OVCH1: variants seen among roughly 807,000 people sequenced by gnomAD.
OVCH1 encodes ovochymase-1.
Under a neutral mutation model 138.4 loss-of-function variants are expected in OVCH1, and 139 were observed. That is an observed-to-expected ratio of 1.00 (90% CI 0.87 to 1.16). The LOEUF is 1.16. OVCH1 is among the 50% of genes most tolerant of loss of function. The pLI, the probability that OVCH1 is intolerant of heterozygous loss-of-function variation, is 0.00. For synonymous variants in OVCH1, 453 were observed against 467.8 expected (o/e 0.97, Z 0.41); for missense variants, 1,367 against 1,357.9 (o/e 1.01, Z -0.11).
intron 21 of OVCH1, among the ~76,000 whole-genome samples, chr12:29,454,608 T>C (rs778162691): frequency 9.2e-5 from 14 of 152,158 alleles, no homozygotes; most frequent in South Asian, 2.1e-4. Flanking sequence ...ATTCAAGCAC[T>C]GGTTCACAAC....
At position 29,486,367 on chromosome 12, in the gene OVCH1, G is replaced by T. The variant is rs1262863991; in HGVS notation, c.893-19C>A. The T allele has an allele frequency of 2.0e-6, 3 of 1,525,358 alleles. No individual in the cohort carries two copies. The highest frequency in any genetic ancestry group is 2.7e-6 in the Non-Finnish European group (3 of 1,109,710). 94.5% of individuals were successfully genotyped at this position (1,525,358 alleles called of 1,614,324 possible). A position where few individuals can be genotyped will look rare whatever the true frequency, so the allele number is the denominator to read the frequency against. ...TCCAAACCTGTAAAAGGTATAAGGA[G>T]TTAGTGCCTTTCCCAATAATAATCA... is the stretch of plus-strand genomic sequence containing the variant. On this transcript the variant is annotated intron_variant, in intron 7 of 27. Transcript: ENST00000318184.
chr12:29,412,189 A>G (rs551028275), downstream of OVCH1, among the ~76,000 whole-genome samples: 2 of 152,040 alleles, frequency 1.3e-5, no homozygotes, highest in East Asian at 3.9e-4. Flanking sequence ...GAGTGACCCG[A>G]TTTTCCAGGT....
intron 19 of OVCH1, among the ~76,000 whole-genome samples, chr12:29,457,579 ATT>A (rs2135959992): frequency 6.6e-6 from 1 of 151,082 alleles, no homozygotes; most frequent in East Asian, 2.0e-4. Context: ...AATTTTTTGT[ATT>A]TTTAGTAGAG....
At chr12:29,476,749 A>ACG (rs145053170) in intron 12 of OVCH1, among the ~76,000 whole-genome samples, 37 of 17,198 alleles carry the variant, frequency 2.2e-3, no homozygotes, top group South Asian at 5.0e-3. Context: ...ATAAGTACAC[A>ACG]CGCGCGCACA....
intron 8 of OVCH1, among the ~76,000 whole-genome samples, chr12:29,483,537 A>G (rs935666837): frequency 1.3e-5 from 2 of 152,192 alleles, no homozygotes; most frequent in Non-Finnish European, 2.9e-5. Context: ...TTGTAGCATA[A>G]GGTCTAATCT....
At chr12:29,450,647 C>T (rs2135941517) in intron 22 of OVCH1, among the ~76,000 whole-genome samples, 1 of 152,186 alleles carries the variant, frequency 6.6e-6, no homozygotes, top group Admixed American at 6.5e-5. Flanking sequence ...ACCTTTTGAC[C>T]CAGCGATCCC....
chr12:29,485,186 A>G (rs190640881), intron 8 of OVCH1, among the ~76,000 whole-genome samples: 2 of 152,010 alleles, frequency 1.3e-5, no homozygotes, highest in African/African-American at 4.8e-5. Flanking sequence ...AGCCTGGCCA[A>G]CATTAGTCAG....
intron 8 of OVCH1, among the ~76,000 whole-genome samples, chr12:29,481,996 C>T (rs897358453): frequency 3.3e-5 from 5 of 152,206 alleles, no homozygotes; most frequent in African/African-American, 1.2e-4. Context: ...TGGACTATTG[C>T]AGTAGTTGGT....
the OVCH1 span, among the ~76,000 whole-genome samples, chr12:29,404,505 G>A: frequency 1.3e-5 from 2 of 152,192 alleles, no homozygotes; most frequent in Non-Finnish European, 2.9e-5. Context: ...TGATGCAACA[G>A]ATCTCTGAAC....
chr12:29,408,753 A>G (rs1940915009), downstream of OVCH1, among the ~76,000 whole-genome samples: 1 of 148,014 alleles, frequency 6.8e-6, no homozygotes, highest in African/African-American at 2.4e-5. Flanking sequence ...CATCAAGGAT[A>G]TTGGTCTAAA....
intron 8 of OVCH1, among the ~76,000 whole-genome samples, chr12:29,483,069 C>G (rs1051718982): frequency 2.0e-5 from 3 of 152,188 alleles, no homozygotes; most frequent in African/African-American, 7.2e-5. Context: ...TTAGTAGCCT[C>G]TAAGATAAAT....
At chr12:29,455,799 C>A (rs905835863) in intron 19 of OVCH1, among the ~76,000 whole-genome samples, 2 of 152,100 alleles carry the variant, frequency 1.3e-5, no homozygotes, top group Non-Finnish European at 2.9e-5. Context: ...TCAGATGGAT[C>A]CATCACAAGA....
downstream of OVCH1, among the ~76,000 whole-genome samples, chr12:29,410,320 A>G (rs541778663): frequency 6.6e-6 from 1 of 150,836 alleles, no homozygotes; most frequent in South Asian, 2.1e-4. Flanking sequence ...TTTAAAGTTA[A>G]TATTTTTATG....
exon 13 of OVCH1, chr12:29,476,256 A>G (rs773050586): frequency 2.5e-6 from 4 of 1,613,604 alleles, no homozygotes; most frequent in East Asian, 2.2e-5. Flanking sequence ...AGCATCATAA[A>G]TACAGTTTGG....
At chr12:29,473,172 C>G (rs1386577438) in intron 14 of OVCH1, 69 bp from the exon 15 acceptor site, 16 of 1,093,740 alleles carry the variant, frequency 1.5e-5, no homozygotes, top group Non-Finnish European at 1.8e-5. Context: ...ACTTGCTTAC[C>G]CTGGTAAATC....
chr12:29,466,270 TAAGG>T (rs567807250), intron 16 of OVCH1, among the ~76,000 whole-genome samples: 38 of 152,140 alleles, frequency 2.5e-4, no homozygotes, highest in Middle Eastern at 6.8e-3. Context: ...AAAAAAATCA[TAAGG>T]AAGAGAAAAT....
At chr12:29,475,657 C>T (rs1399786703) in intron 13 of OVCH1, among the ~76,000 whole-genome samples, 1 of 152,150 alleles carries the variant, frequency 6.6e-6, no homozygotes, top group Non-Finnish European at 1.5e-5. Flanking sequence ...ATATTCCAAA[C>T]CAATCTATAA....
intron 26 of OVCH1, among the ~76,000 whole-genome samples, chr12:29,436,005 G>T (rs1289288561): frequency 5.9e-5 from 9 of 151,960 alleles, no homozygotes; most frequent in African/African-American, 9.7e-5. Context: ...TTTTAGACCT[G>T]TATTTCATTT....
rs1941585363 is a variant in OVCH1 at position 29,445,388 on chromosome 12, C to T, written c.2771G>A (p.Arg924Lys). 2 of 1,609,376 alleles carry T rather than the reference C, an allele frequency of 1.2e-6. No homozygotes were observed. The highest frequency in any genetic ancestry group is 1.7e-6 in the Non-Finnish European group (2 of 1,177,224). ...CATGAAAGTCATTGAGTAAAGTCTT[C>T]TTCCATGTAATCCACCTAGGTTAAA... The change falls in exon 23 of 28, where the codon AGA (arginine) becomes AAA (lysine). Residue 924 changes from arginine to lysine, a missense_variant. Physicochemically the swap from Arg to Lys is conservative, Grantham distance 26. Transcript: ENST00000318184.
Sources: allele counts gnomAD v4.1 joint callset (sites outside exome capture counted in the v4.1 genomes callset), GRCh38; gene constraint gnomAD v4.1.1; transcripts MANE v1.5; gene names NCBI Gene and HGNC (gene_info 2026-07-23, HGNC 2026-07-21).